BRD9: variants seen among roughly 807,000 people sequenced by gnomAD.
BRD9 encodes the protein bromodomain containing 9.
BRD9 carries 47 observed loss-of-function variants against 68.7 expected under a neutral mutation model. The observed-to-expected ratio is 0.68, with a 90% CI of 0.54 to 0.87. BRD9 has a LOEUF of 0.87. BRD9 is among the 40% of genes least tolerant of loss of function. The pLI, the probability that BRD9 is intolerant of heterozygous loss-of-function variation, is 0.00. For synonymous variants in BRD9, 313 were observed against 293.9 expected (o/e 1.06, Z -0.67); for missense variants, 670 against 748.4 (o/e 0.90, Z 1.22).
intron 6 of BRD9, 83 bp from the exon 7 acceptor site, chr5:886,790 A>G (rs1389793067): frequency 6.2e-7 from 1 of 1,604,462 alleles, no homozygotes; most frequent in Non-Finnish European, 8.5e-7. Context: ...AGGACAGAGC[A>G]GCAGGGATTT....
intron 11 of BRD9, 95 bp from the exon 12 acceptor site, chr5:876,307 G>C: frequency 1.1e-6 from 1 of 876,800 alleles, no homozygotes; most frequent in Non-Finnish European, 1.8e-6. Context: ...TGCCAGCGCA[G>C]CTCCTCGGTC....
intron 15 of BRD9, 57 bp downstream of exon 15, chr5:865,357 C>T (rs759359504): frequency 4.6e-5 from 70 of 1,506,526 alleles, no homozygotes; most frequent in East Asian, 1.2e-4. Flanking sequence ...CTCGTCTAGA[C>T]GTCACACTGA....
chr5:891,245 C>G lies in BRD9; in HGVS notation c.310G>C (p.Glu104Gln). 1 of 1,551,910 alleles carries G rather than the reference C, an allele frequency of 6.4e-7. No homozygotes were observed. The highest frequency in any genetic ancestry group is 1.2e-5 in the South Asian group (1 of 84,064). Residue 104 changes from glutamate (E) to glutamine (Q), a missense_variant, in exon 3 of 16, where the codon GAG becomes CAG. By Grantham distance (29) the Glu-to-Gln change is conservative. Around this residue, in one of 5 missense-constraint regions of BRD9, gnomAD observed 161 missense variants for 148.1 expected, o/e 1.09. Coordinates refer to ENST00000467963, the MANE Select transcript of BRD9 (RefSeq NM_023924.5). ...GGATCAAAGTCGTCAGCCTCTCCCT[C>G]CGTGTCACAGTGCTCCCTCTCTCGC... is the stretch of plus-strand genomic sequence containing the variant. ...RKREREHCDT[E>Q]GEADDFDPGK...
chr5:888,816 C>T (rs1297589100), intron 5 of BRD9, among the ~76,000 whole-genome samples: 1 of 152,192 alleles, frequency 6.6e-6, no homozygotes, highest in African/African-American at 2.4e-5. Context: ...CAGCGTGCAA[C>T]CTGACCTAGT....
chr5:891,621 A>C lies in BRD9; in HGVS notation c.267+19T>G. 1 of 1,549,070 alleles carries C rather than the reference A, an allele frequency of 6.5e-7. No individual in the cohort carries two copies. ...GCTCCTCGTGGGCAGCGTCCGGGCCACCGCCGCTGCTCCTTTACCTTTCGC... is the reference window on the plus strand; with the variant it reads ...GCTCCTCGTGGGCAGCGTCCGGGCCCCCGCCGCTGCTCCTTTACCTTTCGC... On this transcript the variant is annotated intron_variant, in intron 2 of 15. Coordinates refer to ENST00000467963, the MANE Select transcript of BRD9 (RefSeq NM_023924.5).
intron 5 of BRD9, 143 bp from the exon 6 acceptor site, chr5:887,614 C>T (rs1405997884): frequency 4.4e-6 from 3 of 685,450 alleles, no homozygotes; most frequent in Non-Finnish European, 7.6e-6. Flanking sequence ...CTAAACATAA[C>T]GTTTAAGAAC....
chr5:876,003 G>T, intron 12 of BRD9, 98 bp downstream of exon 12: 2 of 794,956 alleles, frequency 2.5e-6, no homozygotes, highest in Non-Finnish European at 4.1e-6. Context: ...CCCTGCGACA[G>T]CTCCTCGTCC....
chr5:891,095 C>A, intron 3 of BRD9, 60 bp downstream of exon 3: 2 of 1,492,292 alleles, frequency 1.3e-6, no homozygotes, highest in Non-Finnish European at 1.8e-6. Flanking sequence ...ACGGTGCCGA[C>A]CCCTCATTTA....
intron 8 of BRD9, chr5:883,736 C>T (rs569725509): frequency 8.8e-6 from 6 of 678,776 alleles, no homozygotes; most frequent in Admixed American, 3.0e-5. Flanking sequence ...GAAACACCAG[C>T]GGCAGCCCTG....
intron 1 of BRD9, chr5:892,126 G>C: frequency 1.9e-6 from 1 of 514,488 alleles, no homozygotes; most frequent in Non-Finnish European, 3.4e-6. Context: ...ACTCGTTCAA[G>C]AAGATGGATT....
At chr5:870,631 G>A in intron 13 of BRD9, 56 bp from the exon 14 acceptor site, 1 of 1,221,462 alleles carries the variant, frequency 8.2e-7, no homozygotes, top group South Asian at 1.2e-5. Flanking sequence ...AAAACGAAAT[G>A]TTACTTCACA....
At chr5:884,292 T>C (rs1039341348) in intron 7 of BRD9, among the ~76,000 whole-genome samples, 10 of 152,178 alleles carry the variant, frequency 6.6e-5, no homozygotes, top group Non-Finnish European at 1.3e-4. Context: ...GTAAGCCAAG[T>C]AGACAGACTT....
chr5:870,343 A>C (rs1459993925), intron 14 of BRD9, 130 bp downstream of exon 14: 2 of 707,524 alleles, frequency 2.8e-6, no homozygotes, highest in South Asian at 1.8e-5. Context: ...GACAAAGACC[A>C]AATACCGTAA....
chr5:887,348 G>C lies in BRD9; in HGVS notation c.717+13C>G. On this transcript the variant is annotated intron_variant, in intron 6 of 15. Coordinates refer to ENST00000467963, the MANE Select transcript of BRD9 (RefSeq NM_023924.5). ...TGCTTTCCGTAGCTCGCTGCTGCCA[G>C]TGAGTTTCTTACTTTGCTCATCATC... 6.3e-7 allele frequency: 1 copy of C among 1,598,930 alleles called. No homozygotes were observed. The highest frequency in any genetic ancestry group is 8.6e-7 in the Non-Finnish European group (1 of 1,166,960).
At chr5:888,277 TAC>T (rs1192297391) in intron 5 of BRD9, 1 of 152,426 alleles carries the variant, frequency 6.6e-6, no homozygotes, top group Non-Finnish European at 1.5e-5. Context: ...AAGCAGGGAA[TAC>T]AGAGGGCTTT....
chr5:866,344 G>C (rs1166028279), intron 14 of BRD9: 1 of 152,344 alleles, frequency 6.6e-6, no homozygotes, highest in Non-Finnish European at 1.5e-5. Context: ...ACACGAAGGA[G>C]CAGGAAAACA....
Position 882,910 on chromosome 5 carries a change from G to A in BRD9, c.966+1028C>T, listed in dbSNP as rs576307990. 2,044 of 228,668 alleles carry A rather than the reference G, an allele frequency of 8.9e-3. 17 individuals carry two copies. Among genetic ancestry groups the A allele is most frequent in the South Asian group, 0.019 (408 of 21,738 alleles). The allele number at this position is 228,668 out of a possible 1,614,324, so 14.2% of individuals were successfully genotyped here. The stretch of plus-strand genomic sequence containing the variant: ...CACAACCTCCCAACACATAAGCCAC[G>A]CAGACCACAGCAACTTCCCAACATG... On this transcript the variant is annotated intron_variant, in intron 8 of 15. Coordinates refer to ENST00000467963, the MANE Select transcript of BRD9 (RefSeq NM_023924.5).
At chr5:869,721 C>T (rs1749860756) in intron 14 of BRD9, among the ~76,000 whole-genome samples, 1 of 152,238 alleles carries the variant, frequency 6.6e-6, no homozygotes, top group South Asian at 2.1e-4. Context: ...GAGCTTAACC[C>T]TTTCAACCAA....
Position 891,504 on chromosome 5 carries a change from G to C in BRD9, c.267+136C>G, listed in dbSNP as rs1000980254. 3.6e-6 allele frequency: 5 copies of C among 1,385,088 alleles called. No individual in the cohort carries two copies. In the African/African-American group the frequency reaches 7.3e-5, roughly 20 times the overall value. The allele number at this position is 1,385,088 out of a possible 1,614,324, so 85.8% of individuals were successfully genotyped here. ...TGGAACTGAGTCTGCGGGCCTCAGC[G>C]GTTCGCGTTTTGCTACCAACGGAAC... On this transcript the variant is annotated intron_variant, in intron 2 of 15. Transcript: ENST00000467963.
Sources: gnomAD v4.1 joint callset for allele counts (sites outside exome capture counted in the v4.1 genomes callset) on GRCh38, gnomAD v4.1.1 for gene constraint, gnomAD v4.1.1 regional missense constraint, MANE v1.5 for transcripts, NCBI Gene and HGNC (gene_info 2026-07-23, HGNC 2026-07-21) for gene names.